The following FOXP2 variants were observed in gnomAD, a reference collection of about 807,000 sequenced individuals.
The protein encoded by FOXP2 is forkhead box protein P2.
In FOXP2, 12 loss-of-function variants were observed where a neutral mutation model predicts 115.8. The observed-to-expected ratio is 0.10, with a 90% CI of 0.07 to 0.17. The LOEUF (loss-of-function observed/expected upper bound fraction) is 0.17. FOXP2 is among the 10% of genes least tolerant of loss of function. FOXP2 has a pLI of 1.00. For synonymous variants in FOXP2, 328 were observed against 297.7 expected (o/e 1.10, Z -1.05); for missense variants, 629 against 843.5 (o/e 0.75, Z 3.15).
At chr7:114,327,943 T>C (rs1332841312) in intron 2 of FOXP2, among the ~76,000 whole-genome samples, 1 of 151,790 alleles carries the variant, frequency 6.6e-6, no homozygotes, top group Non-Finnish European at 1.5e-5. Flanking sequence ...TAATTTTTGA[T>C]AGAGCCTCAC....
At chr7:114,132,627 T>C (rs1452893320) in intron 1 of FOXP2, among the ~76,000 whole-genome samples, 1 of 105,302 alleles carries the variant, frequency 9.5e-6, no homozygotes, top group Non-Finnish European at 1.9e-5. Context: ...TGGGGTGGGG[T>C]TTGCAATTTT....
At chr7:114,424,496 A>G (rs2129204108) in intron 1 of FOXP2, among the ~76,000 whole-genome samples, 1 of 151,654 alleles carries the variant, frequency 6.6e-6, no homozygotes, top group Non-Finnish European at 1.5e-5. Flanking sequence ...CTACAGTTGG[A>G]GAGGATTGAA....
At chr7:114,555,460 G>A (rs934886604) in intron 3 of FOXP2, among the ~76,000 whole-genome samples, 4 of 152,268 alleles carry the variant, frequency 2.6e-5, no homozygotes, top group South Asian at 2.1e-4. Context: ...TTTCTTGAAT[G>A]TCTTCATTTT....
In FOXP2 at chr7:114,660,039, G is replaced by A. The variant is rs138378653; in HGVS notation, c.1647+366G>A. The stretch of plus-strand genomic sequence containing the variant: ...GTCTGTTTGGCTTGTGCAACAAATG[G>A]AGGCTGTAGGTTTTGTCTTGGTCTG... On this transcript the variant is annotated intron_variant, in intron 13 of 16. Coordinates refer to ENST00000350908, the MANE Select transcript of FOXP2 (RefSeq NM_014491.4). Among the ~76,000 whole-genome samples, 31 of 152,280 alleles carry A rather than the reference G, an allele frequency of 2.0e-4. No individual in the cohort carries two copies. The Middle Eastern group carries it at 0.01, about 50-fold the overall frequency.
chr7:114,661,464 A>G (rs1806855666), intron 13 of FOXP2, among the ~76,000 whole-genome samples: 1 of 152,046 alleles, frequency 6.6e-6, no homozygotes, highest in African/African-American at 2.4e-5. Flanking sequence ...CATTTACAAA[A>G]ACTTTATTGG....
intron 3 of FOXP2, among the ~76,000 whole-genome samples, chr7:114,624,111 T>G (rs1804400429): frequency 6.6e-6 from 1 of 151,892 alleles, no homozygotes; most frequent in Non-Finnish European, 1.5e-5. Context: ...ATAAATAGTT[T>G]CTTATGTTAA....
At chr7:114,583,013 A>T (rs1801945522) in intron 3 of FOXP2, among the ~76,000 whole-genome samples, 1 of 152,194 alleles carries the variant, frequency 6.6e-6, no homozygotes, top group Admixed American at 6.5e-5. Flanking sequence ...GAAAACAAAA[A>T]TAAATAATGA....
At chr7:114,540,032 G>A (rs1467784404) in intron 3 of FOXP2, among the ~76,000 whole-genome samples, 1 of 151,896 alleles carries the variant, frequency 6.6e-6, no homozygotes, top group Admixed American at 6.6e-5. Context: ...TAAATCCTTG[G>A]ATAAGGAGTT....
chr7:114,130,285 T>C (rs1791837123), intron 1 of FOXP2, among the ~76,000 whole-genome samples: 1 of 152,210 alleles, frequency 6.6e-6, no homozygotes, highest in African/African-American at 2.4e-5. Context: ...ATCCCGCCAC[T>C]GCACTGCAGC....
chr7:114,600,841 G>T (rs1387064182), intron 3 of FOXP2, among the ~76,000 whole-genome samples: 1 of 151,954 alleles, frequency 6.6e-6, no homozygotes, highest in Admixed American at 6.6e-5. Context: ...TTTTAATTGG[G>T]TTGTTATTTT....
At chr7:114,140,931 G>A (rs60496558) in intron 1 of FOXP2, among the ~76,000 whole-genome samples, 20,951 of 152,128 alleles carry the variant, frequency 0.14, 1,913 homozygotes, top group East Asian at 0.4. Context: ...ATCAACTTGT[G>A]TAAGACTTTG....
At position 114,644,721 on chromosome 7, in the gene FOXP2, C is replaced by T; in HGVS notation, c.1026C>T (p.Leu342=). Residue 342 remains leucine (L), a synonymous_variant, in exon 8 of 17, where the codon CTC becomes CTT. Coordinates refer to ENST00000350908, the MANE Select transcript of FOXP2 (RefSeq NM_014491.4). ...SHEETGASHT[L]YGHGVCKWPG... ...AGGAGACTGGGGCCTCTCACACTCT[C>T]TATGGCCATGGAGTTTGCAAATGGC... 6.2e-7 allele frequency: 1 copy of T among 1,613,882 alleles called. No homozygotes were observed. The highest frequency in any genetic ancestry group is 8.5e-7 in the Non-Finnish European group (1 of 1,179,926).
At chr7:114,619,735 T>C (rs1022386610) in intron 3 of FOXP2, among the ~76,000 whole-genome samples, 4 of 151,942 alleles carry the variant, frequency 2.6e-5, no homozygotes, top group Admixed American at 1.3e-4. Context: ...TGTTTGAAAG[T>C]ATGAATAAAC....
intron 1 of FOXP2, among the ~76,000 whole-genome samples, chr7:114,279,753 T>C (rs1796280523): frequency 6.6e-6 from 1 of 150,742 alleles, no homozygotes; most frequent in African/African-American, 2.5e-5. Context: ...GTCTTAAACT[T>C]GTTATATTAG....
At chr7:114,646,221 A>G (rs548280090) in intron 8 of FOXP2, among the ~76,000 whole-genome samples, 1 of 152,170 alleles carries the variant, frequency 6.6e-6, no homozygotes, top group African/African-American at 2.4e-5. Context: ...ACATTTTTTT[A>G]AGAATGGCAA....
chr7:114,352,225 C>T (rs772731714), intron 2 of FOXP2, among the ~76,000 whole-genome samples: 11 of 151,914 alleles, frequency 7.2e-5, no homozygotes, highest in Admixed American at 5.2e-4. Flanking sequence ...CATGGTCACA[C>T]CACTGCAGTC....
At chr7:114,682,528 G>C (rs946410892) in intron 16 of FOXP2, among the ~76,000 whole-genome samples, 1 of 152,060 alleles carries the variant, frequency 6.6e-6, no homozygotes, top group Admixed American at 6.6e-5. Context: ...CATTTTTGTA[G>C]AAGAAAACCT....
chr7:114,673,401 T>C (rs1416134294), intron 16 of FOXP2, among the ~76,000 whole-genome samples: 1 of 152,246 alleles, frequency 6.6e-6, no homozygotes, highest in Non-Finnish European at 1.5e-5. Flanking sequence ...ACAGCTGTTT[T>C]GGTCACAACT....
intron 2 of FOXP2, among the ~76,000 whole-genome samples, chr7:114,495,255 G>T (rs1483610720): frequency 6.6e-6 from 1 of 152,102 alleles, no homozygotes; most frequent in Non-Finnish European, 1.5e-5. Flanking sequence ...TTAAATCACA[G>T]TCTGTTCCAA....
Sources: gnomAD v4.1 joint callset for allele counts (sites outside exome capture counted in the v4.1 genomes callset) on GRCh38, gnomAD v4.1.1 for gene constraint, MANE v1.5 for transcripts, NCBI Gene and HGNC (gene_info 2026-07-23, HGNC 2026-07-21) for gene names.